ETV6: variants seen among roughly 807,000 people sequenced by gnomAD.
The protein encoded by ETV6 is ETS variant transcription factor 6.
In ETV6, 16 loss-of-function variants were observed where a neutral mutation model predicts 51.1. The ratio of observed to expected loss-of-function variants is 0.31; its 90% confidence interval spans 0.21 to 0.48. The LOEUF (loss-of-function observed/expected upper bound fraction) is 0.48, where lower values mean the gene tolerates loss of function less well. Among genes scored for constraint, ETV6 ranks in the 20% least tolerant of loss-of-function variants. The pLI is 0.99. For synonymous variants in ETV6, 240 were observed against 224.1 expected, an observed-to-expected ratio of 1.07 and a Z score of -0.64; for missense variants, 458 against 594.8, an observed-to-expected ratio of 0.77 and a Z score of 2.39.
At chr12:11,806,760 G>A (rs1945835473) in intron 2 of ETV6, among the ~76,000 whole-genome samples, 1 of 152,182 alleles carries the variant, frequency 6.6e-6, no homozygotes, top group South Asian at 2.1e-4. Flanking sequence ...GTTCTGTGTA[G>A]GGATAAATAG....
intron 1 of ETV6, among the ~76,000 whole-genome samples, chr12:11,718,185 G>T (rs115462984): frequency 0.03 from 4,638 of 152,214 alleles, 112 homozygotes; most frequent in East Asian, 0.082. Flanking sequence ...GGCCCTTCCT[G>T]TTTCCTTGGT....
At chr12:11,713,819 C>G (rs1274994646) in intron 1 of ETV6, among the ~76,000 whole-genome samples, 2 of 152,132 alleles carry the variant, frequency 1.3e-5, no homozygotes, top group African/African-American at 4.8e-5. Flanking sequence ...TAAAAAAATC[C>G]TCTCCTGTGT....
At chr12:11,713,104 G>C (rs945277674) in intron 1 of ETV6, among the ~76,000 whole-genome samples, 1 of 152,164 alleles carries the variant, frequency 6.6e-6, no homozygotes, top group Non-Finnish European at 1.5e-5. Context: ...AAAGAGAACA[G>C]ATCCTGATGC....
intron 7 of ETV6, among the ~76,000 whole-genome samples, chr12:11,887,117 C>T (rs1211371765): frequency 1.3e-5 from 2 of 152,076 alleles, no homozygotes; most frequent in African/African-American, 4.8e-5. Context: ...ACGGGAAAGG[C>T]TCTTCAGGAA....
At chr12:11,871,549 C>T (rs556847331) in intron 5 of ETV6, among the ~76,000 whole-genome samples, 29 of 152,324 alleles carry the variant, frequency 1.9e-4, no homozygotes, top group African/African-American at 4.6e-4. Flanking sequence ...GCCCCAAGTG[C>T]ACCACCAGTG....
At chr12:11,805,002 C>T (rs1045729580) in intron 2 of ETV6, among the ~76,000 whole-genome samples, 1 of 152,156 alleles carries the variant, frequency 6.6e-6, no homozygotes, top group African/African-American at 2.4e-5. Context: ...AGCTGCTCAC[C>T]CTTGCTCCCT....
At chr12:11,697,863 A>G (rs1864906645) in intron 1 of ETV6, among the ~76,000 whole-genome samples, 1 of 152,134 alleles carries the variant, frequency 6.6e-6, no homozygotes. Context: ...TCCTTCCCAT[A>G]ACTAAGCCCC....
At chr12:11,820,437 T>C (rs1245289417) in intron 2 of ETV6, among the ~76,000 whole-genome samples, 2 of 152,032 alleles carry the variant, frequency 1.3e-5, no homozygotes, top group African/African-American at 4.8e-5. Context: ...TTAGGTAGAT[T>C]AGGGATGAAT....
chr12:11,752,067 G>C (rs967814500), intron 1 of ETV6, among the ~76,000 whole-genome samples: 2 of 152,214 alleles, frequency 1.3e-5, no homozygotes, highest in Non-Finnish European at 2.9e-5. Flanking sequence ...TTAATATAGT[G>C]ATGGCATTAA....
chr12:11,739,129 C>CTTCT (rs1412446845), intron 1 of ETV6, among the ~76,000 whole-genome samples: 1 of 152,166 alleles, frequency 6.6e-6, no homozygotes, highest in African/African-American at 2.4e-5. Flanking sequence ...ACTCCACTGT[C>CTTCT]TTCTTTCTGC....
At chr12:11,804,057 T>G (rs1945791000) in intron 2 of ETV6, among the ~76,000 whole-genome samples, 1 of 152,180 alleles carries the variant, frequency 6.6e-6, no homozygotes, top group Non-Finnish European at 1.5e-5. Context: ...TTGACAGATT[T>G]CTAGTTTTTT....
At chr12:11,727,302 G>T (rs1396958838) in intron 1 of ETV6, among the ~76,000 whole-genome samples, 3 of 152,260 alleles carry the variant, frequency 2.0e-5, no homozygotes, top group Non-Finnish European at 4.4e-5. Context: ...CATCCCGCAG[G>T]CGGGCGCAAG....
intron 2 of ETV6, among the ~76,000 whole-genome samples, chr12:11,808,442 A>T (rs1945862368): frequency 6.9e-6 from 1 of 145,806 alleles, no homozygotes; most frequent in Non-Finnish European, 1.5e-5. Context: ...AAAAACAAAA[A>T]ACAAAAAAAA....
chr12:11,892,996 A>C lies in ETV6; in HGVS notation c.*1950A>C. On this transcript the variant is annotated 3_prime_UTR_variant, in exon 8 of 8. Coordinates refer to ENST00000396373, the MANE Select transcript of ETV6 (RefSeq NM_001987.5). ...ACTGTCACAGGCGCCCCACCATTCA[A>C]CCTTCCGGGAGGTCAGGGACCTTCT... The C allele has an allele frequency of 4.3e-6, 1 of 232,826 alleles. No individual in the cohort carries two copies. The highest frequency in any genetic ancestry group is 8.5e-6 in the Non-Finnish European group (1 of 117,856). The allele number at this position is 232,826 out of a possible 1,614,324, so 14.4% of individuals were successfully genotyped here.
intron 1 of ETV6, among the ~76,000 whole-genome samples, chr12:11,659,129 G>A (rs746467045): frequency 2.0e-5 from 3 of 152,330 alleles, no homozygotes; most frequent in South Asian, 2.1e-4. Context: ...ATGGCCCTTC[G>A]TGGAAGTTTA....
chr12:11,729,801 A>G (rs985462483), intron 1 of ETV6, among the ~76,000 whole-genome samples: 15 of 152,264 alleles, frequency 9.9e-5, no homozygotes, highest in South Asian at 2.1e-4. Context: ...TTTATCTTAC[A>G]TGTCTGAAGT....
At chr12:11,831,193 G>A (rs906628297) in intron 2 of ETV6, among the ~76,000 whole-genome samples, 5 of 152,112 alleles carry the variant, frequency 3.3e-5, no homozygotes, top group African/African-American at 4.8e-5. Context: ...AATAGTTTGT[G>A]TGTGTGTGTG....
At position 11,650,751 on chromosome 12, in the gene ETV6, A is replaced by T. The variant is rs1392627812; in HGVS notation, c.33+591A>T. 4.6e-5 allele frequency among the ~76,000 whole-genome samples: 7 copies of T among 151,546 alleles called. No homozygotes were observed. In the East Asian group the frequency reaches 5.8e-4, roughly 13 times the overall value. ...GCTTTTCCTAGGCATTGCACAATGA[A>T]TTTTTTTTTAAAACCAAGGTGAATA... is the stretch of plus-strand genomic sequence containing the variant. On this transcript the variant is annotated intron_variant, in intron 1 of 7. Coordinates refer to ENST00000396373, the MANE Select transcript of ETV6 (RefSeq NM_001987.5).
chr12:11,885,266 G>A (rs968585042), intron 6 of ETV6, among the ~76,000 whole-genome samples: 1 of 152,200 alleles, frequency 6.6e-6, no homozygotes, highest in African/African-American at 2.4e-5. Flanking sequence ...AAGGCAGGGA[G>A]GCCCAGCCAG....
Sources: gnomAD v4.1 joint callset for allele counts (sites outside exome capture counted in the v4.1 genomes callset) on GRCh38, gnomAD v4.1.1 for gene constraint, MANE v1.5 for transcripts, NCBI Gene and HGNC (gene_info 2026-07-23, HGNC 2026-07-21) for gene names.